NSD3: variants seen among roughly 807,000 people sequenced by gnomAD.
NSD3 encodes the protein nuclear receptor binding SET domain protein 3, also known as histone-lysine N-methyltransferase NSD3.
A neutral mutation model predicts 160.8 loss-of-function variants in NSD3; 24 were observed. The observed-to-expected ratio is 0.15, with a 90% confidence interval of 0.11 to 0.21. NSD3 has a LOEUF of 0.21. Ranked by LOEUF, NSD3 falls within the 10% of genes least tolerant of loss-of-function variation. The pLI is 1.00. For missense variants in NSD3, 1,157 were observed against 1,735.9 expected, an observed-to-expected ratio of 0.67 and a Z score of 5.93; for synonymous variants, 520 against 600.0, an observed-to-expected ratio of 0.87 and a Z score of 1.95.
At chr8:38,298,350 G>A (rs1371689196) in intron 15 of NSD3, among the ~76,000 whole-genome samples, 1 of 152,132 alleles carries the variant, frequency 6.6e-6, no homozygotes, top group African/African-American at 2.4e-5. Flanking sequence ...TAATCTGACT[G>A]CAGAAAACAG....
intron 1 of NSD3, among the ~76,000 whole-genome samples, chr8:38,361,483 C>T (rs1219301152): frequency 1.3e-5 from 2 of 150,600 alleles, no homozygotes; most frequent in Admixed American, 6.6e-5. Flanking sequence ...GGGCCGGGCG[C>T]GGTGGCTCAC....
chr8:38,365,953 T>C (rs1310271346), intron 1 of NSD3, among the ~76,000 whole-genome samples: 1 of 152,002 alleles, frequency 6.6e-6, no homozygotes, highest in Admixed American at 6.6e-5. Context: ...GTTTAAATCT[T>C]AAATGTTATG....
chr8:38,275,622 A>G lies in NSD3; in HGVS notation c.*19T>C. On this transcript the variant is annotated 3_prime_UTR_variant, in exon 24 of 24. Coordinates refer to ENST00000317025, the MANE Select transcript of NSD3 (RefSeq NM_023034.2). ...ATTTGCTTTTTTCACTTAAATAGAA[A>G]GGAGGGGACACCACACATTTATTCT... is the stretch of plus-strand genomic sequence containing the variant. 2 of 1,602,886 alleles carry G rather than the reference A, an allele frequency of 1.2e-6. No homozygotes were observed. The highest frequency in any genetic ancestry group is 1.7e-6 in the Non-Finnish European group (2 of 1,172,646).
chr8:38,327,323 T>G (rs1385977341), intron 6 of NSD3, among the ~76,000 whole-genome samples: 3 of 152,142 alleles, frequency 2.0e-5, no homozygotes, highest in African/African-American at 7.2e-5. Context: ...CCCAAAGTGC[T>G]GGGATTACAG....
intron 1 of NSD3, among the ~76,000 whole-genome samples, chr8:38,349,006 C>A (rs905088922): frequency 6.6e-6 from 1 of 152,094 alleles, no homozygotes; most frequent in Admixed American, 6.5e-5. Context: ...CCTGTCCCCA[C>A]TTCATTATTC....
At chr8:38,367,831 T>C (rs7821392) in intron 1 of NSD3, among the ~76,000 whole-genome samples, 32,682 of 152,118 alleles carry the variant, frequency 0.21, 3,736 homozygotes, top group East Asian at 0.31. Flanking sequence ...ATACAGTTAG[T>C]GACATAGATA....
chr8:38,359,661 G>T (rs1262820496), intron 1 of NSD3, among the ~76,000 whole-genome samples: 2 of 152,100 alleles, frequency 1.3e-5, no homozygotes, highest in Non-Finnish European at 1.5e-5. Flanking sequence ...CCTCACTACA[G>T]ACAAAAGCAA....
chr8:38,317,329 T>A lies in NSD3; in HGVS notation c.1856-1287A>T, dbSNP rs1475956386. On this transcript the variant is annotated intron_variant, in intron 9 of 23. Transcript: ENST00000317025. The surrounding 1 kb of genome is among the most constrained non-coding windows in gnomAD (Gnocchi z 5.3). ...TAAAAAACACAAGTACACAAATCTA[T>A]CTCCTTCATTGCTGGTGTATGGACC... is the stretch of plus-strand genomic sequence containing the variant. 9.5e-7 allele frequency: 1 copy of A among 1,057,898 alleles called. No homozygotes were observed. Among genetic ancestry groups the A allele is most frequent in the Non-Finnish European group, 1.1e-6 (1 of 874,636 alleles). The allele number at this position is 1,057,898 out of a possible 1,614,324, so 65.5% of individuals were successfully genotyped here.
chr8:38,273,712 G>A lies in NSD3; in HGVS notation c.*1929C>T, dbSNP rs888403776. 6.6e-6 allele frequency: 1 copy of A among 152,186 alleles called. No individual in the cohort carries two copies. Among genetic ancestry groups the A allele is most frequent in the Non-Finnish European group, 1.5e-5 (1 of 68,038 alleles). The allele number at this position is 152,186 out of a possible 1,614,324, so 9.4% of individuals were successfully genotyped here. The stretch of plus-strand genomic sequence containing the variant: ...TAATTGCTCAAGAGCAAAGTTTAGT[G>A]TTTTGGTGAGCTGTATTTCATGTTA... On this transcript the variant is annotated 3_prime_UTR_variant, in exon 24 of 24. Transcript: ENST00000317025.
chr8:38,349,091 C>A (rs1810605041), intron 1 of NSD3, among the ~76,000 whole-genome samples: 1 of 152,158 alleles, frequency 6.6e-6, no homozygotes, highest in Non-Finnish European at 1.5e-5. Context: ...TACATTTTTA[C>A]ATATAAATTT....
intron 7 of NSD3, among the ~76,000 whole-genome samples, chr8:38,322,849 G>A (rs781255369): frequency 2.5e-4 from 38 of 152,142 alleles, no homozygotes; most frequent in Non-Finnish European, 4.7e-4. Flanking sequence ...TCCTTAAGCA[G>A]TTAACATCAG....
chr8:38,350,631 T>C (rs1198274486), intron 1 of NSD3, among the ~76,000 whole-genome samples: 3 of 152,198 alleles, frequency 2.0e-5, no homozygotes, highest in Admixed American at 6.5e-5. Context: ...TTTTACAAAA[T>C]GTACGTGGCA....
chr8:38,376,531 G>A (rs1585938237), intron 1 of NSD3, among the ~76,000 whole-genome samples: 1 of 152,096 alleles, frequency 6.6e-6, no homozygotes, highest in South Asian at 2.1e-4. Context: ...TGCCTCCTGG[G>A]TTCAAGCGAT....
intron 7 of NSD3, among the ~76,000 whole-genome samples, chr8:38,325,890 CT>C (rs1809899058): frequency 1.3e-5 from 2 of 151,802 alleles, no homozygotes; most frequent in South Asian, 4.2e-4. Flanking sequence ...TGGTTCATGC[CT>C]GTAATTCCAG....
intron 16 of NSD3, among the ~76,000 whole-genome samples, chr8:38,293,135 C>CAAAAAAA (rs1005050554): frequency 4.4e-5 from 3 of 68,490 alleles, no homozygotes; most frequent in Admixed American, 1.6e-4. Context: ...GACTTTGTCT[C>CAAAAAAA]AAAAAAAAAA....
Position 38,319,275 on chromosome 8 carries a change from A to G in NSD3, c.1810-335T>C, listed in dbSNP as rs865983905. ...GGGGTTGTTTCTGCAACCGGCCCCA[A>G]TGTTGCTAAAAACCCCTCCCGCCCC... On this transcript the variant is annotated intron_variant, in intron 8 of 23. Transcript: ENST00000317025. The surrounding 1 kb of genome is among the most constrained non-coding windows in gnomAD (Gnocchi z 4.1). 2.4e-5 allele frequency: 5 copies of G among 212,510 alleles called. No individual in the cohort carries two copies. Among genetic ancestry groups the G allele is most frequent in the Non-Finnish European group, 3.7e-5 (4 of 108,424 alleles). The allele number at this position is 212,510 out of a possible 1,614,324, so 13.2% of individuals were successfully genotyped here. A position where few individuals can be genotyped will look rare whatever the true frequency, so the allele number is the denominator to read the frequency against.
Position 38,275,462 on chromosome 8 carries a change from A to G in NSD3, c.*179T>C. On this transcript the variant is annotated 3_prime_UTR_variant, in exon 24 of 24. Coordinates refer to ENST00000317025, the MANE Select transcript of NSD3 (RefSeq NM_023034.2). ...CCACAAAAGAATCCCAAACCAACCA[A>G]ATCAAACAAAAACCAGACACCACCA... is the stretch of plus-strand genomic sequence containing the variant. 1 of 611,712 alleles carries G rather than the reference A, an allele frequency of 1.6e-6. No homozygotes were observed. Among genetic ancestry groups the G allele is most frequent in the South Asian group, 2.3e-5 (1 of 43,326 alleles). The allele number at this position is 611,712 out of a possible 1,614,324, so 37.9% of individuals were successfully genotyped here. A position where few individuals can be genotyped will look rare whatever the true frequency, so the allele number is the denominator to read the frequency against.
chr8:38,272,538 T>G lies in NSD3; in HGVS notation c.*3103A>C, dbSNP rs764025873. On this transcript the variant is annotated 3_prime_UTR_variant, in exon 24 of 24. Transcript: ENST00000317025. Reference sequence around the variant, plus strand: ...GTGGCGGTCCAGCCCCTCCCTCCCCTGCACAGTGCCTGAGAAAGTTTCCCA... The same window carrying G: ...GTGGCGGTCCAGCCCCTCCCTCCCCGGCACAGTGCCTGAGAAAGTTTCCCA... The G allele has an allele frequency of 1.3e-5, 2 of 152,234 alleles. No individual in the cohort carries two copies. The highest frequency in any genetic ancestry group is 2.9e-5 in the Non-Finnish European group (2 of 68,068). The allele number at this position is 152,234 out of a possible 1,614,324, so 9.4% of individuals were successfully genotyped here.
intron 1 of NSD3, among the ~76,000 whole-genome samples, chr8:38,357,118 CAAAAAAA>C (rs966483645): frequency 0.019 from 405 of 21,274 alleles, 2 homozygotes; most frequent in African/African-American, 0.054. Flanking sequence ...GACACCATCT[CAAAAAAA>C]AAAAAAAAAA....
Sources: gnomAD v4.1 joint callset for allele counts (sites outside exome capture counted in the v4.1 genomes callset) on GRCh38, gnomAD v4.1.1 for gene constraint, Gnocchi (gnomAD v3.1) non-coding constraint, MANE v1.5 for transcripts, NCBI Gene and HGNC (gene_info 2026-07-23, HGNC 2026-07-21) for gene names.